CACNA1S: variants seen among roughly 807,000 people sequenced by gnomAD.
The protein encoded by CACNA1S is voltage-dependent L-type calcium channel subunit alpha-1S.
Under a neutral mutation model 207.4 loss-of-function variants are expected in CACNA1S, and 126 were observed. That is an observed-to-expected ratio of 0.61 (90% CI 0.53 to 0.70). CACNA1S has a LOEUF of 0.70. Ranked by LOEUF, CACNA1S falls within the 30% of genes least tolerant of loss-of-function variation. CACNA1S has a pLI of 0.00. For missense variants in CACNA1S, 2,349 were observed against 2,422.8 expected, an observed-to-expected ratio of 0.97 and a Z score of 0.64; for synonymous variants, 960 against 932.7, an observed-to-expected ratio of 1.03 and a Z score of -0.53.
At chr1:201,111,986 G>GTCTTCCTCC (rs1663129595) in intron 1 of CACNA1S, among the ~76,000 whole-genome samples, 1 of 8,044 alleles carries the variant, frequency 1.2e-4, no homozygotes, top group Non-Finnish European at 3.2e-4. Flanking sequence ...CACCCTCCTC[G>GTCTTCCTCC]TCTTCCTCCT....
chr1:201,100,170 A>T (rs1049806632), intron 2 of CACNA1S, among the ~76,000 whole-genome samples: 15 of 152,230 alleles, frequency 9.9e-5, no homozygotes, highest in African/African-American at 3.6e-4. Context: ...GGTTCACAGG[A>T]AAAAATAAGT....
intron 28 of CACNA1S, among the ~76,000 whole-genome samples, chr1:201,055,391 G>A (rs748917352): frequency 1.2e-4 from 18 of 152,146 alleles, no homozygotes; most frequent in Non-Finnish European, 2.1e-4. Context: ...CCTTTGCTGG[G>A]TCTGCACTTA....
chr1:201,082,843 A>G (rs1316131223), intron 10 of CACNA1S, among the ~76,000 whole-genome samples: 1 of 152,174 alleles, frequency 6.6e-6, no homozygotes, highest in Non-Finnish European at 1.5e-5. Context: ...ATGTCCAGTG[A>G]TCTGTGATTG....
intron 2 of CACNA1S, among the ~76,000 whole-genome samples, chr1:201,109,498 T>G (rs1414526571): frequency 1.3e-5 from 2 of 152,246 alleles, no homozygotes; most frequent in Non-Finnish European, 2.9e-5. Flanking sequence ...GCCATTTTTA[T>G]TATTAATTAG....
intron 32 of CACNA1S, among the ~76,000 whole-genome samples, chr1:201,051,817 T>C (rs1441963621): frequency 2.0e-5 from 3 of 152,186 alleles, no homozygotes; most frequent in Non-Finnish European, 2.9e-5. Context: ...GAGCAGGCAG[T>C]GCAGGGTGGC....
At chr1:201,093,318 G>A (rs188374942) in intron 3 of CACNA1S, among the ~76,000 whole-genome samples, 3 of 152,324 alleles carry the variant, frequency 2.0e-5, no homozygotes, top group African/African-American at 7.2e-5. Context: ...CACCAAGGAT[G>A]CACAGGCACA....
At chr1:201,077,152 G>A (rs767196081) in intron 11 of CACNA1S, 25 bp from the exon 12 acceptor site, 4 of 1,603,980 alleles carry the variant, frequency 2.5e-6, no homozygotes, top group East Asian at 2.2e-5. Flanking sequence ...GGCACAAGGT[G>A]GGAGGAGACA....
At position 201,102,223 on chromosome 1, in the gene CACNA1S, C is replaced by T. The variant is rs61128980; in HGVS notation, c.258+7941G>A. On this transcript the variant is annotated intron_variant, in intron 2 of 43. Transcript: ENST00000362061. ...AGTGCCTGGTGAAGTGTGGGGCAGGCTCCAGACTGGGCAGGGAAAGGCCTC... is the reference window on the plus strand; with the variant it reads ...AGTGCCTGGTGAAGTGTGGGGCAGGTTCCAGACTGGGCAGGGAAAGGCCTC... Among the ~76,000 whole-genome samples, 1,059 of 152,232 alleles carry T rather than the reference C, an allele frequency of 7.0e-3. 13 individuals carry two copies. Among genetic ancestry groups the T allele is most frequent in the African/African-American group, 0.024 (1,003 of 41,538 alleles).
In CACNA1S at chr1:201,089,402, G is replaced by T; in HGVS notation, c.756C>A (p.Arg252=). ...PSPCARTGSG[R]RCTINGSECR... ...ACTCACTGCCATTGATGGTGCACCG[G>T]CGCCCTGAGCCCGTCCTGGCGCAGG... Residue 252 remains arginine (R), a synonymous_variant, in exon 6 of 44, where the codon CGC becomes CGA. Transcript: ENST00000362061. 6.2e-7 allele frequency: 1 copy of T among 1,614,166 alleles called. No homozygotes were observed. Among genetic ancestry groups the T allele is most frequent in the Non-Finnish European group, 8.5e-7 (1 of 1,180,032 alleles).
intron 36 of CACNA1S, 112 bp from the exon 37 acceptor site, chr1:201,047,738 G>A: frequency 1.3e-6 from 1 of 776,182 alleles, no homozygotes; most frequent in Non-Finnish European, 2.3e-6. Context: ...AGAAACATTG[G>A]CTGAGTTTTG....
Position 201,052,579 on chromosome 1 carries a change from G to A in CACNA1S, c.3931C>T (p.Gln1311Ter). 6.2e-7 allele frequency: 1 copy of A among 1,613,898 alleles called. No homozygotes were observed. The highest frequency in any genetic ancestry group is 8.5e-7 in the Non-Finnish European group (1 of 1,179,818). Residue 1311 changes from glutamine to a stop codon, truncating the protein, a stop_gained, in exon 32 of 44, where the codon CAA becomes TAA. Transcript: ENST00000362061. LOFTEE classifies it high-confidence loss of function. ...NRNNNFQTFP[Q>*]AVLLLFRCAT... is the part of the protein sequence containing the mutation. ...TGCCTGAAGAGCAGTAGCACAGCTTGTGGGAAGGTCTGGAAGTTGTTGTTC... is the reference window on the plus strand; with the variant it reads ...TGCCTGAAGAGCAGTAGCACAGCTTATGGGAAGGTCTGGAAGTTGTTGTTC...
At chr1:201,085,643 G>T in intron 7 of CACNA1S, 62 bp from the exon 8 acceptor site, 1 of 1,590,322 alleles carries the variant, frequency 6.3e-7, no homozygotes, top group Non-Finnish European at 8.6e-7. Context: ...AGGAAAGACT[G>T]AGCTTCCTGA....
chr1:201,047,237 C>G lies in CACNA1S; in HGVS notation c.4546G>C (p.Asp1516His), dbSNP rs764330337. ...TAGAACTTCCCCACTGTCACCTCAT[C>G]ATCTGCAGAGGAGCCAACAAGAGAT... ...LDQVIPPIGDDEVTVGKFYAT... is the reference protein window; with the variant it reads ...LDQVIPPIGDHEVTVGKFYAT... The change falls in exon 38 of 44, where the codon GAT (aspartate) becomes CAT (histidine). Residue 1516 changes from aspartate (D) to histidine (H), a missense_variant and splice_region_variant. By Grantham distance (81) the Asp-to-His change is moderately conservative. Coordinates refer to ENST00000362061, the MANE Select transcript of CACNA1S (RefSeq NM_000069.3). The G allele has an allele frequency of 5.6e-5, 90 of 1,614,100 alleles. No homozygotes were observed. The South Asian group carries it at 8.7e-4, about 16-fold the overall frequency.
In CACNA1S at chr1:201,070,373, C is replaced by T. The variant is rs200971359; in HGVS notation, c.2259G>A (p.Pro753=). 640 of 1,614,042 alleles carry T rather than the reference C, an allele frequency of 4.0e-4. 4 individuals are homozygous for T. Among genetic ancestry groups the T allele is most frequent in the Non-Finnish European group, 5.3e-5 (63 of 1,180,002 alleles). Residue 753 remains proline, a synonymous_variant, in exon 17 of 44, where the codon CCG becomes CCA. Transcript: ENST00000362061. ...CCAGGGGACGTGGTCGGGGGCTCAG[C>T]GGGATCTCAGGCTCATCTTCCTCGT... ...GDDEEDEPEI[P]LSPRPRPLAE...
rs745334569 is a variant in CACNA1S, at chr1:201,047,630, G to T, written c.4442-4C>A. ...TCGTTGGCCTGCTCAAAGTTACCTG[G>T]AGCAGGAGAAAGGCAAAAGTTACCC... On this transcript the variant is annotated splice_polypyrimidine_tract_variant and splice_region_variant and intron_variant, in intron 36 of 43. Transcript: ENST00000362061. 6.2e-7 allele frequency: 1 copy of T among 1,612,626 alleles called. No homozygotes were observed. Among genetic ancestry groups the T allele is most frequent in the Non-Finnish European group, 8.5e-7 (1 of 1,178,616 alleles).
At chr1:201,045,939 A>G (rs577129109) in intron 38 of CACNA1S, among the ~76,000 whole-genome samples, 1 of 152,210 alleles carries the variant, frequency 6.6e-6, no homozygotes, top group South Asian at 2.1e-4. Context: ...GTTCAGAAAA[A>G]AAGGTTTTAT....
chr1:201,052,594 AGTT>A lies in CACNA1S; in HGVS notation c.3913_3915del (p.Asn1305del), dbSNP rs1164192391. ...AGCACAGCTTGTGGGAAGGTCTGGA[AGTT>A]GTTGTTCCGGTTTATTTGGGTCCCA... On this transcript the variant is annotated inframe_deletion, in exon 32 of 44. Coordinates refer to ENST00000362061, the MANE Select transcript of CACNA1S (RefSeq NM_000069.3). 4 of 1,613,858 alleles carry A rather than the reference AGTT, an allele frequency of 2.5e-6. No individual in the cohort carries two copies. Among genetic ancestry groups the A allele is most frequent in the African/African-American group, 2.7e-5 (2 of 74,880 alleles).
At chr1:201,083,431 T>C (rs1572055337) in intron 9 of CACNA1S, 109 bp from the exon 10 acceptor site, 2 of 1,105,270 alleles carry the variant, frequency 1.8e-6, no homozygotes, top group East Asian at 2.4e-5. Context: ...CCACCCCACT[T>C]CCGCCAGCCA....
intron 16 of CACNA1S, among the ~76,000 whole-genome samples, chr1:201,071,040 GC>G (rs1194534851): frequency 5.7e-4 from 87 of 152,276 alleles, no homozygotes; most frequent in African/African-American, 2.1e-3. Context: ...GACATTCCAA[GC>G]ACATTCACTG....
Sources: allele counts gnomAD v4.1 joint callset (sites outside exome capture counted in the v4.1 genomes callset), GRCh38; gene constraint gnomAD v4.1.1; transcripts MANE v1.5; gene names NCBI Gene and HGNC (gene_info 2026-07-23, HGNC 2026-07-21).